SPIRE1: variants seen among roughly 807,000 people sequenced by gnomAD.
The protein encoded by SPIRE1 is spire type actin nucleation factor 1, also known as protein spire homolog 1.
In SPIRE1, 40 loss-of-function variants were observed where a neutral mutation model predicts 94.1. The ratio of observed to expected loss-of-function variants is 0.43; its 90% CI spans 0.33 to 0.55. The LOEUF (loss-of-function observed/expected upper bound fraction) is 0.55. Among genes scored for constraint, SPIRE1 ranks in the 20% least tolerant of loss-of-function variants. SPIRE1 has a pLI of 0.06. For missense variants in SPIRE1, 838 were observed against 975.2 expected (o/e 0.86, Z 1.87); for synonymous variants, 376 against 371.7 (o/e 1.01, Z -0.13).
intron 2 of SPIRE1, among the ~76,000 whole-genome samples, chr18:12,614,818 T>C (rs1881247146): frequency 6.6e-6 from 1 of 151,652 alleles, no homozygotes; most frequent in South Asian, 2.1e-4. Context: ...GACTCTGTCT[T>C]AGAAAAAAAG....
intron 4 of SPIRE1, among the ~76,000 whole-genome samples, chr18:12,532,368 T>A (rs928730408): frequency 5.9e-5 from 9 of 152,232 alleles, no homozygotes; most frequent in African/African-American, 2.2e-4. Context: ...ATAAGAAATT[T>A]AGTATAATTA....
intron 2 of SPIRE1, among the ~76,000 whole-genome samples, chr18:12,576,338 C>G (rs562171353): frequency 6.6e-6 from 1 of 152,166 alleles, no homozygotes; most frequent in African/African-American, 2.4e-5. Flanking sequence ...TGGCTCACCT[C>G]TGTAATCCTG....
At chr18:12,595,209 G>C (rs1038875163) in intron 2 of SPIRE1, among the ~76,000 whole-genome samples, 11 of 152,160 alleles carry the variant, frequency 7.2e-5, no homozygotes, top group Non-Finnish European at 1.5e-5. Context: ...GGGAGGCTGA[G>C]GTGGGAGGAT....
intron 10 of SPIRE1, among the ~76,000 whole-genome samples, chr18:12,469,565 AATTATATAT>A (rs1207436459): frequency 1.4e-5 from 2 of 145,464 alleles, no homozygotes; most frequent in Non-Finnish European, 1.5e-5. Flanking sequence ...TATATATATA[AATTATATAT>A]ATTATATATA....
intron 4 of SPIRE1, among the ~76,000 whole-genome samples, chr18:12,522,865 C>A (rs942879986): frequency 1.3e-5 from 2 of 152,036 alleles, no homozygotes; most frequent in African/African-American, 4.8e-5. Flanking sequence ...CCCAAAAGCT[C>A]GATGGTAATA....
intron 1 of SPIRE1, among the ~76,000 whole-genome samples, chr18:12,638,281 T>C (rs2037991916): frequency 6.6e-6 from 1 of 151,906 alleles, no homozygotes; most frequent in African/African-American, 2.4e-5. Context: ...CCAGTTTCTA[T>C]CAAAAATAAA....
chr18:12,587,119 T>C (rs2036410324), intron 2 of SPIRE1, among the ~76,000 whole-genome samples: 2 of 152,222 alleles, frequency 1.3e-5, no homozygotes, highest in South Asian at 4.1e-4. Flanking sequence ...AGAGGTTACA[T>C]AATTTGCTCA....
chr18:12,614,791 C>T (rs1209993744), intron 2 of SPIRE1, among the ~76,000 whole-genome samples: 2 of 151,766 alleles, frequency 1.3e-5, no homozygotes, highest in African/African-American at 4.8e-5. Flanking sequence ...GCACTCCAGC[C>T]TGGGCAGCAA....
intron 8 of SPIRE1, among the ~76,000 whole-genome samples, chr18:12,487,540 G>A (rs1054402600): frequency 3.3e-5 from 5 of 151,562 alleles, no homozygotes; most frequent in Non-Finnish European, 7.4e-5. Flanking sequence ...GATTACAGGT[G>A]CCTGCCACCA....
intron 8 of SPIRE1, among the ~76,000 whole-genome samples, chr18:12,487,609 G>A (rs2033085330): frequency 1.3e-5 from 2 of 151,812 alleles, no homozygotes. Context: ...GGCCAGGATG[G>A]TCTTGAACTC....
chr18:12,474,353 T>A (rs944334724), intron 10 of SPIRE1, among the ~76,000 whole-genome samples: 1 of 151,852 alleles, frequency 6.6e-6, no homozygotes, highest in Non-Finnish European at 1.5e-5. Flanking sequence ...GGCCACTCCC[T>A]CTTGGAATGG....
chr18:12,596,852 A>G (rs982372697), intron 2 of SPIRE1, among the ~76,000 whole-genome samples: 1 of 152,142 alleles, frequency 6.6e-6, no homozygotes, highest in African/African-American at 2.4e-5. Flanking sequence ...TGTAGATAGG[A>G]GAACTTAATA....
intron 2 of SPIRE1, among the ~76,000 whole-genome samples, chr18:12,547,955 C>T (rs1598457965): frequency 6.6e-6 from 1 of 152,106 alleles, no homozygotes; most frequent in Non-Finnish European, 1.5e-5. Flanking sequence ...CAACAACAAA[C>T]AGGCAATGAA....
chr18:12,496,588 G>C (rs903994066), intron 6 of SPIRE1, among the ~76,000 whole-genome samples: 10 of 152,052 alleles, frequency 6.6e-5, no homozygotes, highest in Admixed American at 6.5e-4. Context: ...ACAAAAATTA[G>C]GCTGGGTGTG....
upstream of SPIRE1, chr18:12,658,239 C>CGAGAT (rs1459151381): frequency 2.1e-6 from 1 of 480,350 alleles, no homozygotes; most frequent in Non-Finnish European, 3.9e-6. Flanking sequence ...CGCCTCGAGG[C>CGAGAT]GAGATGGCCG....
At chr18:12,567,430 C>A (rs1438020412) in intron 2 of SPIRE1, among the ~76,000 whole-genome samples, 1 of 152,156 alleles carries the variant, frequency 6.6e-6, no homozygotes, top group Non-Finnish European at 1.5e-5. Flanking sequence ...CAAATTTCAG[C>A]AAATTATTTT....
At chr18:12,489,827 G>GC (rs2033168083) in intron 8 of SPIRE1, among the ~76,000 whole-genome samples, 1 of 152,162 alleles carries the variant, frequency 6.6e-6, no homozygotes, top group Admixed American at 6.5e-5. Context: ...TAATGCACAA[G>GC]TAAATTCACA....
intron 4 of SPIRE1, among the ~76,000 whole-genome samples, chr18:12,529,621 C>A (rs2034628994): frequency 6.6e-6 from 1 of 152,118 alleles, no homozygotes; most frequent in East Asian, 1.9e-4. Flanking sequence ...CCTGTAGAGC[C>A]TACTGCTGAA....
intron 4 of SPIRE1, among the ~76,000 whole-genome samples, chr18:12,532,420 T>G (rs2034710136): frequency 6.6e-6 from 1 of 152,220 alleles, no homozygotes; most frequent in South Asian, 2.1e-4. Context: ...TATCAGTAAC[T>G]GAGCTCAAGT....
Sources: gnomAD v4.1 joint callset for allele counts (sites outside exome capture counted in the v4.1 genomes callset) on GRCh38, gnomAD v4.1.1 for gene constraint, MANE v1.5 for transcripts, NCBI Gene and HGNC (gene_info 2026-07-23, HGNC 2026-07-21) for gene names.